SLC38A6: variants seen among roughly 807,000 people sequenced by gnomAD.
The protein encoded by SLC38A6 is solute carrier family 38 member 6.
SLC38A6 carries 73 observed loss-of-function variants against 65.0 expected under a neutral mutation model. The ratio of observed to expected loss-of-function variants is 1.12; its 90% CI spans 0.93 to 1.37. SLC38A6 has a LOEUF of 1.37. SLC38A6 is among the 40% of genes most tolerant of loss of function. The pLI, the probability that SLC38A6 is intolerant of heterozygous loss-of-function variation, is 0.00. For missense variants in SLC38A6, 561 were observed against 531.1 expected, an observed-to-expected ratio of 1.06 and a Z score of -0.55; for synonymous variants, 183 against 178.8, an observed-to-expected ratio of 1.02 and a Z score of -0.19.
At chr14:61,031,899 T>C (rs536603259) in intron 6 of SLC38A6, among the ~76,000 whole-genome samples, 2 of 152,072 alleles carry the variant, frequency 1.3e-5, no homozygotes, top group South Asian at 2.1e-4. Context: ...AGGAACTTAA[T>C]TTAACTTCTT....
At chr14:61,081,665 C>T (rs1457103582) in intron 16 of SLC38A6, among the ~76,000 whole-genome samples, 2 of 152,062 alleles carry the variant, frequency 1.3e-5, no homozygotes, top group East Asian at 3.9e-4. Context: ...GCCTGGGCGA[C>T]AGAGCGAGAC....
intron 8 of SLC38A6, among the ~76,000 whole-genome samples, chr14:61,041,189 AC>A (rs1372217076): frequency 2.0e-5 from 3 of 152,002 alleles, no homozygotes; most frequent in Non-Finnish European, 4.4e-5. Context: ...CCCAAGACTT[AC>A]CTTCTTACCA....
At chr14:61,063,189 G>C (rs981185484) in intron 15 of SLC38A6, among the ~76,000 whole-genome samples, 3 of 152,022 alleles carry the variant, frequency 2.0e-5, no homozygotes, top group African/African-American at 7.2e-5. Context: ...AATTTTGTTA[G>C]CATCAGTCAC....
intron 15 of SLC38A6, among the ~76,000 whole-genome samples, chr14:61,069,225 C>T (rs1388718378): frequency 1.3e-5 from 2 of 152,090 alleles, no homozygotes; most frequent in Non-Finnish European, 2.9e-5. Flanking sequence ...TGTATGTCTT[C>T]CAGCCCATTT....
At position 61,009,234 on chromosome 14, in the gene SLC38A6, G is replaced by T. The variant is rs192229736; in HGVS notation, c.311-6670G>T. On this transcript the variant is annotated intron_variant, in intron 3 of 15. Transcript: ENST00000267488. ...TGCCTAAGATCACAAATTTACCCCT[G>T]ATCAGCCTACACAGATTAACTTAAA... 4.2e-4 allele frequency among the ~76,000 whole-genome samples: 64 copies of T among 152,160 alleles called. 1 individual carries two copies. The highest frequency in any genetic ancestry group is 1.5e-3 in the African/African-American group (62 of 41,486).
intron 3 of SLC38A6, among the ~76,000 whole-genome samples, chr14:60,990,686 G>A (rs1191839921): frequency 6.6e-6 from 1 of 151,992 alleles, no homozygotes; most frequent in Non-Finnish European, 1.5e-5. Flanking sequence ...AGGCTGGAAT[G>A]TAGTGGCGTG....
At chr14:61,008,463 T>C (rs1239379981) in intron 3 of SLC38A6, among the ~76,000 whole-genome samples, 4 of 152,146 alleles carry the variant, frequency 2.6e-5, no homozygotes, top group African/African-American at 4.8e-5. Context: ...AGAAGATTTA[T>C]TGGAACTAGC....
At position 60,984,794 on chromosome 14, in the gene SLC38A6, A is replaced by G. The variant is rs765394859; in HGVS notation, c.301A>G (p.Ile101Val). 3 of 1,613,572 alleles carry G rather than the reference A, an allele frequency of 1.9e-6. No homozygotes were observed. The highest frequency in any genetic ancestry group is 1.3e-5 in the African/African-American group (1 of 74,904). The stretch of plus-strand genomic sequence containing the variant: ...AGTCCATCTTCTGCTTAGTATGTGT[A>G]TTCAGACAGGTGAGTAAAAATGTTA... ...YSVHLLLSMC[I>V]QTAVTSYEDL... Residue 101 changes from isoleucine to valine, a missense_variant, in exon 3 of 16, where the codon ATT becomes GTT. Physicochemically the swap from Ile to Val is conservative, Grantham distance 29. Transcript: ENST00000267488.
chr14:61,045,875 G>A (rs1415496075), intron 11 of SLC38A6, among the ~76,000 whole-genome samples, 192 bp from the exon 12 acceptor site: 1 of 150,994 alleles, frequency 6.6e-6, no homozygotes, highest in African/African-American at 2.4e-5. Flanking sequence ...GACAGAGCAA[G>A]ACTCTGTCTC....
chr14:61,025,787 G>A lies in SLC38A6; in HGVS notation c.404-4658G>A, dbSNP rs74323746. 8.5e-3 allele frequency among the ~76,000 whole-genome samples: 1,296 copies of A among 152,102 alleles called. 21 individuals carry two copies. Among genetic ancestry groups the A allele is most frequent in the African/African-American group, 0.029 (1,222 of 41,498 alleles). ...TATGCATGTGTTCTGTACTATTTGAGTGCATATAGAACTTCAGTGGCATTT... is the reference window on the plus strand; with the variant it reads ...TATGCATGTGTTCTGTACTATTTGAATGCATATAGAACTTCAGTGGCATTT... On this transcript the variant is annotated intron_variant, in intron 5 of 15. Transcript: ENST00000267488.
chr14:61,048,233 C>A (rs1420669866), intron 12 of SLC38A6: 2 of 419,716 alleles, frequency 4.8e-6, no homozygotes, highest in African/African-American at 4.2e-5. Context: ...TTAAGGCTTC[C>A]AATTCATTTT....
chr14:61,035,901 A>G (rs998420469), intron 6 of SLC38A6, among the ~76,000 whole-genome samples: 2 of 152,180 alleles, frequency 1.3e-5, no homozygotes, highest in Non-Finnish European at 2.9e-5. Flanking sequence ...TGGTATTTTA[A>G]GTATATCCTT....
chr14:60,988,359 A>C (rs1012813936), intron 3 of SLC38A6, among the ~76,000 whole-genome samples: 5 of 152,090 alleles, frequency 3.3e-5, no homozygotes, highest in African/African-American at 9.7e-5. Context: ...ATTTCCTGTC[A>C]TTTCATGAAA....
At chr14:60,994,007 A>C (rs1417323703) in intron 3 of SLC38A6, among the ~76,000 whole-genome samples, 1 of 152,206 alleles carries the variant, frequency 6.6e-6, no homozygotes, top group African/African-American at 2.4e-5. Context: ...TGGTACAGCT[A>C]CTTTGGAATA....
intron 15 of SLC38A6, among the ~76,000 whole-genome samples, chr14:61,073,076 A>G (rs548110162): frequency 2.0e-5 from 3 of 152,224 alleles, no homozygotes; most frequent in African/African-American, 7.2e-5. Context: ...TATAAAAGCC[A>G]TTTTTATTGG....
At chr14:61,062,662 A>G (rs2042891474) in intron 15 of SLC38A6, among the ~76,000 whole-genome samples, 1 of 151,780 alleles carries the variant, frequency 6.6e-6, no homozygotes, top group Non-Finnish European at 1.5e-5. Flanking sequence ...CATTCTTTTT[A>G]GATTTTATAT....
In SLC38A6 at chr14:61,083,422, G is replaced by A. The variant is rs190386210; in HGVS notation, c.1409-133G>A. 63 of 1,354,358 alleles carry A rather than the reference G, an allele frequency of 4.7e-5. 1 individual carries two copies. The Admixed American group carries it at 1.6e-3, about 34-fold the overall frequency. The allele number at this position is 1,354,358 out of a possible 1,614,324, so 83.9% of individuals were successfully genotyped here. Reference sequence around the variant, plus strand: ...TCAATTGTGTTCCAACCCCAAATTCGTAGGTTGAGGCCCCAATCCCCAGGA... The same window carrying A: ...TCAATTGTGTTCCAACCCCAAATTCATAGGTTGAGGCCCCAATCCCCAGGA... On this transcript the variant is annotated intron_variant, in intron 16 of 16. Transcript: ENST00000354886.
chr14:61,045,833 C>T (rs905429322), intron 11 of SLC38A6, among the ~76,000 whole-genome samples: 1 of 151,574 alleles, frequency 6.6e-6, no homozygotes, highest in Non-Finnish European at 1.5e-5. Context: ...TTACAGTGAG[C>T]CGAGATCACA....
At chr14:61,041,520 T>C (rs1015028863) in intron 8 of SLC38A6, among the ~76,000 whole-genome samples, 2 of 151,986 alleles carry the variant, frequency 1.3e-5, no homozygotes, top group African/African-American at 4.8e-5. Flanking sequence ...ACATACAGAG[T>C]TTATCTAGGT....
Sources: gnomAD v4.1 joint callset for allele counts (sites outside exome capture counted in the v4.1 genomes callset) on GRCh38, gnomAD v4.1.1 for gene constraint, MANE v1.5 for transcripts, NCBI Gene and HGNC (gene_info 2026-07-23, HGNC 2026-07-21) for gene names.